CNOT4: variants seen among roughly 807,000 people sequenced by gnomAD.
CNOT4 encodes CCR4-NOT transcription complex subunit 4, also known as CCR4-associated factor 4.
CNOT4 carries 8 observed loss-of-function variants against 73.8 expected under a neutral mutation model. The ratio of observed to expected loss-of-function variants is 0.11; its 90% CI spans 0.06 to 0.20. The LOEUF (loss-of-function observed/expected upper bound fraction) is 0.20. Ranked by LOEUF, CNOT4 falls within the 10% of genes least tolerant of loss-of-function variation. The pLI is 1.00. For synonymous variants in CNOT4, 293 were observed against 321.1 expected, an observed-to-expected ratio of 0.91 and a Z score of 0.94; for missense variants, 564 against 883.4, an observed-to-expected ratio of 0.64 and a Z score of 4.58.
chr7:135,364,726 A>G lies in CNOT4; in HGVS notation c.1628-660T>C, dbSNP rs1228676949. On this transcript the variant is annotated intron_variant, in intron 10 of 11. Coordinates refer to ENST00000541284, the MANE Select transcript of CNOT4 (RefSeq NM_001190850.2). This position sits in a 1 kb window ranked among gnomAD's most constrained non-coding sequence, Gnocchi z 4.3. ...AACACAGTCTGCCTGCTCTACTCCA[A>G]CAGTTCTACCAATCATTCACAGCCT... Among the ~76,000 whole-genome samples the G allele has an allele frequency of 6.6e-6, 1 of 152,240 alleles. No homozygotes were observed. The highest frequency in any genetic ancestry group is 1.5e-5 in the Non-Finnish European group (1 of 68,038).
chr7:135,398,847 G>A (rs1335839189), intron 7 of CNOT4, among the ~76,000 whole-genome samples: 2 of 151,988 alleles, frequency 1.3e-5, no homozygotes, highest in African/African-American at 4.8e-5. Context: ...GTTTGACAGA[G>A]GGCATAAAAG....
chr7:135,494,424 C>T (rs1466923005), intron 1 of CNOT4, among the ~76,000 whole-genome samples: 4 of 140,096 alleles, frequency 2.9e-5, no homozygotes, highest in African/African-American at 8.0e-5. Flanking sequence ...GAGCCGAGAT[C>T]GCGCCATTGC....
At chr7:135,463,765 A>C (rs748583098) in intron 1 of CNOT4, among the ~76,000 whole-genome samples, 3 of 152,106 alleles carry the variant, frequency 2.0e-5, no homozygotes, top group Non-Finnish European at 2.9e-5. Flanking sequence ...AATGGGAGAA[A>C]ATATTTGGAA....
At chr7:135,483,727 G>A (rs962424964) in intron 1 of CNOT4, among the ~76,000 whole-genome samples, 4 of 152,060 alleles carry the variant, frequency 2.6e-5, no homozygotes, top group African/African-American at 7.2e-5. Flanking sequence ...GGGGGGCTGA[G>A]GTAGGAGGAT....
rs368388710 is a variant in CNOT4, at chr7:135,362,687, C to A, written c.*198G>T. ...CAGTGTCACTCAAATGCTGGATCAA[C>A]AAAAATTTTTACAATTAATAAAGAG... On this transcript the variant is annotated 3_prime_UTR_variant, in exon 12 of 12. Coordinates refer to ENST00000541284, the MANE Select transcript of CNOT4 (RefSeq NM_001190850.2). 10 of 723,642 alleles carry A rather than the reference C, an allele frequency of 1.4e-5. No homozygotes were observed. In the Middle Eastern group the frequency reaches 9.4e-4, roughly 68 times the overall value. 44.8% of individuals were successfully genotyped at this position (723,642 alleles called of 1,614,324 possible).
chr7:135,440,304 C>T (rs1280182316), intron 1 of CNOT4, among the ~76,000 whole-genome samples: 1 of 146,690 alleles, frequency 6.8e-6, no homozygotes, highest in Non-Finnish European at 1.5e-5. Flanking sequence ...AAAAAATGAT[C>T]AATCTTTAGT....
intron 1 of CNOT4, among the ~76,000 whole-genome samples, chr7:135,485,642 A>G (rs916112437): frequency 6.7e-6 from 1 of 150,110 alleles, no homozygotes; most frequent in Non-Finnish European, 1.5e-5. Flanking sequence ...GCAATTCAAT[A>G]AAAGAAGGAC....
At chr7:135,446,054 T>A (rs1398196841) in intron 1 of CNOT4, among the ~76,000 whole-genome samples, 2 of 152,190 alleles carry the variant, frequency 1.3e-5, no homozygotes, top group East Asian at 1.9e-4. Context: ...GCTAATTTTT[T>A]AAATATCTAT....
intron 1 of CNOT4, among the ~76,000 whole-genome samples, chr7:135,493,645 T>C (rs1038745630): frequency 2.0e-5 from 3 of 151,912 alleles, no homozygotes; most frequent in African/African-American, 7.3e-5. Flanking sequence ...GTAACTGACA[T>C]AGAAAGGGAA....
At chr7:135,436,087 CT>C (rs1270070611) in intron 2 of CNOT4, among the ~76,000 whole-genome samples, 1 of 151,542 alleles carries the variant, frequency 6.6e-6, no homozygotes, top group Non-Finnish European at 1.5e-5. Context: ...TTCCAATGTC[CT>C]TCTTGTCTTT....
chr7:135,367,434 T>C (rs1794974833), intron 10 of CNOT4, among the ~76,000 whole-genome samples: 1 of 152,174 alleles, frequency 6.6e-6, no homozygotes, highest in African/African-American at 2.4e-5. Context: ...CAACTGGCTG[T>C]CAATATAATT....
At chr7:135,497,068 A>G (rs1052637568) in intron 1 of CNOT4, among the ~76,000 whole-genome samples, 2 of 151,770 alleles carry the variant, frequency 1.3e-5, no homozygotes, top group African/African-American at 4.8e-5. Flanking sequence ...TCGGACTCCC[A>G]AAGTGTTGGA....
chr7:135,489,288 T>G (rs1802944067), intron 1 of CNOT4, among the ~76,000 whole-genome samples: 1 of 151,826 alleles, frequency 6.6e-6, no homozygotes, highest in Admixed American at 6.6e-5. Context: ...TTAAAATTAC[T>G]AATAAGAAAT....
chr7:135,492,363 C>T (rs1412921274), intron 1 of CNOT4, among the ~76,000 whole-genome samples: 1 of 151,992 alleles, frequency 6.6e-6, no homozygotes, highest in Non-Finnish European at 1.5e-5. Context: ...GAGGTTTTTG[C>T]CAACTAATTA....
chr7:135,506,022 T>A (rs758788510), intron 1 of CNOT4, among the ~76,000 whole-genome samples: 3 of 152,174 alleles, frequency 2.0e-5, no homozygotes, highest in Non-Finnish European at 4.4e-5. Context: ...ACTGGGTAAA[T>A]TATGCTAGCT....
intron 1 of CNOT4, among the ~76,000 whole-genome samples, chr7:135,504,923 C>T (rs180870921): frequency 2.5e-4 from 38 of 152,202 alleles, no homozygotes; most frequent in African/African-American, 8.2e-4. Flanking sequence ...CCACCGTGCC[C>T]GGTCACATCT....
chr7:135,368,699 A>T (rs570103225), intron 10 of CNOT4, among the ~76,000 whole-genome samples: 118 of 152,292 alleles, frequency 7.7e-4, no homozygotes, highest in African/African-American at 2.2e-3. Context: ...TGAAAATCTC[A>T]CAACAGGTTG....
chr7:135,373,985 T>C (rs1005137350), intron 10 of CNOT4, among the ~76,000 whole-genome samples: 2 of 152,228 alleles, frequency 1.3e-5, no homozygotes, highest in Non-Finnish European at 2.9e-5. Flanking sequence ...TGCTTGTGTT[T>C]GGGGGTATTT....
At chr7:135,463,492 C>T (rs370162767) in intron 1 of CNOT4, among the ~76,000 whole-genome samples, 45 of 344 alleles carry the variant, frequency 0.13, no homozygotes, top group African/African-American at 0.26. Context: ...GAGCCGAGAT[C>T]GCGCCATGCA....
Sources: gnomAD v4.1 joint callset for allele counts (sites outside exome capture counted in the v4.1 genomes callset) on GRCh38, gnomAD v4.1.1 for gene constraint, Gnocchi (gnomAD v3.1) non-coding constraint, MANE v1.5 for transcripts, NCBI Gene and HGNC (gene_info 2026-07-23, HGNC 2026-07-21) for gene names.